Variants in CFAP74 observed in about 807,000 individuals in gnomAD.
CFAP74 encodes the protein cilia and flagella associated protein 74.
A neutral mutation model predicts 188.9 loss-of-function variants in CFAP74; 124 were observed. That is an observed-to-expected ratio of 0.66 (90% confidence interval 0.57 to 0.76). The LOEUF is 0.76. Ranked by LOEUF, CFAP74 falls within the 30% of genes least tolerant of loss-of-function variation. The pLI is 0.00. For synonymous variants in CFAP74, 956 were observed against 916.7 expected, an observed-to-expected ratio of 1.04 and a Z score of -0.77; for missense variants, 2,198 against 2,165.2, an observed-to-expected ratio of 1.02 and a Z score of -0.30.
intron 12 of CFAP74, among the ~76,000 whole-genome samples, 197 bp downstream of exon 12, chr1:1,966,174 G>A (rs1047418236): frequency 2.0e-5 from 3 of 152,196 alleles, no homozygotes; most frequent in African/African-American, 4.8e-5. Flanking sequence ...TCCAGGCTCC[G>A]CGAAGAGGGA....
In CFAP74 at chr1:1,973,964, G is replaced by A. The variant is rs1656263702; in HGVS notation, c.674+61C>T. On this transcript the variant is annotated intron_variant, in intron 7 of 38. Coordinates refer to ENST00000682832, the MANE Select transcript of CFAP74 (RefSeq NM_001304360.2). The surrounding 1 kb of genome is among the most constrained non-coding windows in gnomAD (Gnocchi z 6.2). ...TGAATCTGGAGACCCCTGGGGGAGA[G>A]GGCGGAGGGGCTGGCAGAAGCTGCT... is the stretch of plus-strand genomic sequence containing the variant. 7.0e-7 allele frequency: 1 copy of A among 1,438,082 alleles called. No individual in the cohort carries two copies. The highest frequency in any genetic ancestry group is 1.4e-5 in the African/African-American group (1 of 70,040). 89.1% of individuals were successfully genotyped at this position (1,438,082 alleles called of 1,614,324 possible).
In CFAP74 at chr1:1,929,839, C is replaced by T. The variant is rs559997985; in HGVS notation, c.3288+221G>A. On this transcript the variant is annotated intron_variant, in intron 26 of 38. Transcript: ENST00000682832. ...TCTCGGGGTCAGGCTGGACCAAGGG[C>T]ACTGTGACCCCCCCCGATGGGGGTG... 3.9e-5 allele frequency among the ~76,000 whole-genome samples: 6 copies of T among 152,184 alleles called. No homozygotes were observed. In the East Asian group the frequency reaches 9.7e-4, roughly 25 times the overall value.
At chr1:1,943,419 C>T (rs937504698) in intron 21 of CFAP74, among the ~76,000 whole-genome samples, 1 of 152,252 alleles carries the variant, frequency 6.6e-6, no homozygotes, top group Non-Finnish European at 1.5e-5. Context: ...GGGAGCTGTT[C>T]CTACCCAGGT....
At chr1:1,958,484 C>T (rs1654826806) in intron 16 of CFAP74, among the ~76,000 whole-genome samples, 1 of 152,220 alleles carries the variant, frequency 6.6e-6, no homozygotes, top group Non-Finnish European at 1.5e-5. Context: ...GAGCCAGGAG[C>T]CGTTTGCTGT....
At chr1:1,995,077 G>A (rs969648545) in intron 1 of CFAP74, among the ~76,000 whole-genome samples, 1 of 152,180 alleles carries the variant, frequency 6.6e-6, no homozygotes, top group Non-Finnish European at 1.5e-5. Context: ...GGAACTGAGA[G>A]ACCCAGGAAA....
chr1:1,937,498 G>T (rs75162051), intron 25 of CFAP74, among the ~76,000 whole-genome samples: 1 of 152,168 alleles, frequency 6.6e-6, no homozygotes, highest in African/African-American at 2.4e-5. Context: ...AGGCACAGAG[G>T]AATTCAGGGC....
intron 6 of CFAP74, among the ~76,000 whole-genome samples, chr1:1,976,990 T>C (rs28545809): frequency 0.31 from 47,452 of 151,630 alleles, 7,580 homozygotes; most frequent in Non-Finnish European, 0.34. Context: ...GGACTACAGG[T>C]GCCTGCCACC....
chr1:1,972,875 G>A, intron 8 of CFAP74, 62 bp downstream of exon 8: 1 of 1,074,548 alleles, frequency 9.3e-7, no homozygotes, highest in Non-Finnish European at 1.4e-6. Flanking sequence ...GGCATTTCAA[G>A]ACAAAAGCAA....
chr1:1,926,276 A>G lies in CFAP74; in HGVS notation c.3900T>C (p.Gly1300=). The change falls in exon 32 of 39, where the codon GGT becomes GGC. Residue 1300 remains glycine (G), a synonymous_variant. Transcript: ENST00000682832. ...AGGAAAGCACCAGGACCTGGGTCCC[A>G]CCTGCACGCAGCAGGCTGGAGTGGT... The part of the protein sequence containing the change: ...LLNHSSLLRA[G]GTQVLVLSFS... The G allele has an allele frequency of 6.5e-7, 1 of 1,541,576 alleles. No homozygotes were observed. The highest frequency in any genetic ancestry group is 8.8e-7 in the Non-Finnish European group (1 of 1,141,876).
intron 10 of CFAP74, among the ~76,000 whole-genome samples, chr1:1,970,026 G>A (rs1048324366): frequency 6.6e-6 from 1 of 152,214 alleles, no homozygotes; most frequent in African/African-American, 2.4e-5. Flanking sequence ...GGAGAGAGGG[G>A]CCTTGTAGGA....
chr1:1,938,943 G>A lies in CFAP74; in HGVS notation c.2923C>T (p.Leu975=), dbSNP rs1653151420. Residue 975 remains leucine, a synonymous_variant, in exon 25 of 39, where the codon CTG becomes TTG. Coordinates refer to ENST00000682832, the MANE Select transcript of CFAP74 (RefSeq NM_001304360.2). The part of the protein sequence containing the change: ...PNDGFGTILP[L]ETLQFCVIFQ... ...ATCACACAGAACTGCAGCGTTTCCA[G>A]GGGCAGGATCGTCCCAAACCCATCG... 2 of 1,536,054 alleles carry A rather than the reference G, an allele frequency of 1.3e-6. No homozygotes were observed. Among genetic ancestry groups the A allele is most frequent in the Non-Finnish European group, 1.7e-6 (2 of 1,146,928 alleles).
chr1:1,947,448 C>A (rs753228640), intron 18 of CFAP74, among the ~76,000 whole-genome samples: 3 of 152,208 alleles, frequency 2.0e-5, no homozygotes, highest in Non-Finnish European at 4.4e-5. Context: ...CTGTTCCCTA[C>A]GGGTACCTGC....
intron 20 of CFAP74, among the ~76,000 whole-genome samples, chr1:1,945,712 C>T (rs1306829297): frequency 6.6e-6 from 1 of 151,868 alleles, no homozygotes; most frequent in Non-Finnish European, 1.5e-5. Context: ...CCTGTAATCC[C>T]AGCTACTCGA....
chr1:1,971,207 A>ACCTGCACACATACGCGTGCACG, intron 9 of CFAP74, among the ~76,000 whole-genome samples: 1 of 151,000 alleles, frequency 6.6e-6, no homozygotes, highest in Non-Finnish European at 1.5e-5. Flanking sequence ...TTACATGCAC[A>ACCTGCACACATACGCGTGCACG]CCTGCACACA....
In CFAP74 at chr1:1,975,290, T is replaced by C. The variant is rs189735964; in HGVS notation, c.501-1092A>G. ...TCTTTTTGAAAAAATCATGAACATATGTTGAATTGAGATACTCAATGGTTT... is the reference window on the plus strand; with the variant it reads ...TCTTTTTGAAAAAATCATGAACATACGTTGAATTGAGATACTCAATGGTTT... On this transcript the variant is annotated intron_variant, in intron 6 of 38. Coordinates refer to ENST00000682832, the MANE Select transcript of CFAP74 (RefSeq NM_001304360.2). This position sits in a 1 kb window ranked among gnomAD's most constrained non-coding sequence, Gnocchi z 4.5. Among the ~76,000 whole-genome samples the C allele has an allele frequency of 1.3e-5, 2 of 152,338 alleles. No individual in the cohort carries two copies. The highest frequency in any genetic ancestry group is 1.3e-4 in the Admixed American group (2 of 15,294).
intron 15 of CFAP74, among the ~76,000 whole-genome samples, chr1:1,959,682 C>G (rs1315976845): frequency 6.6e-6 from 1 of 152,192 alleles, no homozygotes; most frequent in Non-Finnish European, 1.5e-5. Flanking sequence ...CTCAGGAGGG[C>G]TGGACACTAG....
chr1:1,962,741 C>T (rs899809240), intron 14 of CFAP74, among the ~76,000 whole-genome samples: 1 of 151,872 alleles, frequency 6.6e-6, no homozygotes, highest in East Asian at 1.9e-4. Context: ...AAAAATTAGC[C>T]GGGCTTGGTG....
chr1:1,991,901 A>T (rs113741871), intron 1 of CFAP74, among the ~76,000 whole-genome samples: 1 of 150,396 alleles, frequency 6.6e-6, no homozygotes, highest in Non-Finnish European at 1.5e-5. Flanking sequence ...TTAGCCGGGC[A>T]TGGTGGCAGG....
In CFAP74 at chr1:1,926,878, C is replaced by A. The variant is rs1044123821; in HGVS notation, c.3662+16G>T. The A allele has an allele frequency of 2.6e-6, 4 of 1,549,754 alleles. No homozygotes were observed. Among genetic ancestry groups the A allele is most frequent in the Admixed American group, 2.0e-5 (1 of 50,962 alleles). On this transcript the variant is annotated intron_variant, in intron 29 of 38. Coordinates refer to ENST00000682832, the MANE Select transcript of CFAP74 (RefSeq NM_001304360.2). ...TGCGGCTGACCACACCCTGTTCTGG[C>A]CAGAGCACCCCGCACCTGAAGCTCA...
Sources: allele counts gnomAD v4.1 joint callset (sites outside exome capture counted in the v4.1 genomes callset), GRCh38; gene constraint gnomAD v4.1.1; non-coding constraint Gnocchi (gnomAD v3.1); transcripts MANE v1.5; gene names NCBI Gene and HGNC (gene_info 2026-07-23, HGNC 2026-07-21).